SCNN1B: variants seen among roughly 807,000 people sequenced by gnomAD.
The protein encoded by SCNN1B is epithelial sodium channel subunit beta.
A neutral mutation model predicts 65.3 loss-of-function variants in SCNN1B; 46 were observed. The observed-to-expected ratio is 0.70, with a 90% CI of 0.56 to 0.90. The LOEUF (loss-of-function observed/expected upper bound fraction) is 0.90, where lower values mean the gene tolerates loss of function less well. Ranked by LOEUF, SCNN1B falls within the 40% of genes least tolerant of loss-of-function variation. The pLI, the probability that SCNN1B is intolerant of heterozygous loss-of-function variation, is 0.00. For missense variants in SCNN1B, 751 were observed against 830.5 expected (o/e 0.90, Z 1.18); for synonymous variants, 349 against 330.6 (o/e 1.06, Z -0.60).
intron 1 of SCNN1B, among the ~76,000 whole-genome samples, chr16:23,315,667 A>T (rs1362014009): frequency 6.6e-6 from 1 of 152,020 alleles, no homozygotes; most frequent in African/African-American, 2.4e-5. Flanking sequence ...AATTAGCCAC[A>T]TGTTGTGGCA....
At chr16:23,282,204 T>C (rs1960793823) in intron 1 of SCNN1B, among the ~76,000 whole-genome samples, 1 of 152,168 alleles carries the variant, frequency 6.6e-6, no homozygotes, top group Admixed American at 6.5e-5. Flanking sequence ...ACTGCACTTG[T>C]ACCCATAAAT....
intron 7 of SCNN1B, chr16:23,372,090 A>G: frequency 1.6e-6 from 1 of 626,584 alleles, no homozygotes; most frequent in Non-Finnish European, 2.9e-6. Context: ...TCATCCCCAC[A>G]TTGGCAGGTG....
At chr16:23,337,815 C>T (rs1296262696) in intron 1 of SCNN1B, among the ~76,000 whole-genome samples, 1 of 151,856 alleles carries the variant, frequency 6.6e-6, no homozygotes, top group African/African-American at 2.4e-5. Context: ...ACCTGTAATC[C>T]CAGCACTTTG....
intron 1 of SCNN1B, among the ~76,000 whole-genome samples, chr16:23,343,989 T>C (rs1962134164): frequency 6.6e-6 from 1 of 152,238 alleles, no homozygotes; most frequent in Non-Finnish European, 1.5e-5. Context: ...TTGATCTGGC[T>C]AATGACCCAA....
At position 23,306,410 on chromosome 16, in the gene SCNN1B, A is replaced by G. The variant is rs146244611; in HGVS notation, c.-9+3973A>G. The stretch of plus-strand genomic sequence containing the variant: ...CCTTAGTACAGTGCCTGACTCAAGT[A>G]AACACTGTCTAACCATTGCTGATGC... On this transcript the variant is annotated intron_variant, in intron 1 of 12. Coordinates refer to ENST00000343070, the MANE Select transcript of SCNN1B (RefSeq NM_000336.3). 3.9e-3 allele frequency among the ~76,000 whole-genome samples: 597 copies of G among 152,262 alleles called. 3 individuals carry two copies. Among genetic ancestry groups the G allele is most frequent in the Non-Finnish European group, 6.6e-3 (448 of 68,016 alleles).
intron 11 of SCNN1B, 135 bp downstream of exon 11, chr16:23,378,902 G>A (rs970173238): frequency 5.1e-6 from 4 of 786,968 alleles, no homozygotes; most frequent in Non-Finnish European, 6.4e-6. Flanking sequence ...TTGAGGAGGA[G>A]GCACTAGGAG....
At position 23,367,926 on chromosome 16, in the gene SCNN1B, G is replaced by C. The variant is rs768679142; in HGVS notation, c.847G>C (p.Ala283Pro). 2 of 1,614,178 alleles carry C rather than the reference G, an allele frequency of 1.2e-6. No individual in the cohort carries two copies. The highest frequency in any genetic ancestry group is 1.1e-5 in the South Asian group (1 of 91,080). Residue 283 changes from alanine (A) to proline (P), a missense_variant, in exon 5 of 13, where the codon GCA becomes CCA. Transcript: ENST00000343070. Reference sequence around the variant, plus strand: ...CTTCAACTGGGGCATGACAGAGAAGGCACTTCCTTCGGCCAACCCTGGAAC... The same window carrying C: ...CTTCAACTGGGGCATGACAGAGAAGCCACTTCCTTCGGCCAACCCTGGAAC... The part of the protein sequence containing the change: ...YIFNWGMTEK[A>P]LPSANPGTEF...
chr16:23,357,633 C>T (rs534876862), intron 4 of SCNN1B, among the ~76,000 whole-genome samples: 96 of 152,306 alleles, frequency 6.3e-4, no homozygotes, highest in African/African-American at 2.2e-3. Context: ...TTCTTGCACA[C>T]AATGTCAAAT....
intron 1 of SCNN1B, among the ~76,000 whole-genome samples, chr16:23,308,034 G>A (rs1961258691): frequency 6.6e-6 from 1 of 151,832 alleles, no homozygotes; most frequent in African/African-American, 2.4e-5. Context: ...AACAGAGAGA[G>A]ACCTTTTCTC....
intron 1 of SCNN1B, among the ~76,000 whole-genome samples, chr16:23,340,500 A>G (rs1887125506): frequency 6.6e-6 from 1 of 152,160 alleles, no homozygotes; most frequent in African/African-American, 2.4e-5. Flanking sequence ...AAAAATATGG[A>G]CAACTACTTG....
At chr16:23,334,754 T>A (rs950806511) in intron 1 of SCNN1B, among the ~76,000 whole-genome samples, 1 of 152,238 alleles carries the variant, frequency 6.6e-6, no homozygotes, top group African/African-American at 2.4e-5. Context: ...CGTGTGTGCA[T>A]GCACCAATGC....
intron 2 of SCNN1B, among the ~76,000 whole-genome samples, chr16:23,291,158 T>C (rs573468189): frequency 3.3e-5 from 5 of 151,482 alleles, no homozygotes; most frequent in African/African-American, 1.2e-4. Context: ...ACCTCCCAGG[T>C]TCAAGCAATT....
At chr16:23,371,914 G>T (rs778468492) in intron 7 of SCNN1B, 31 bp downstream of exon 7, 1 of 1,534,982 alleles carries the variant, frequency 6.5e-7, no homozygotes, top group East Asian at 2.2e-5. Context: ...TCATGCCCCG[G>T]GGCCCCTGTC....
At chr16:23,281,185 C>T (rs1225320381) in intron 1 of SCNN1B, among the ~76,000 whole-genome samples, 1 of 152,172 alleles carries the variant, frequency 6.6e-6, no homozygotes, top group Non-Finnish European at 1.5e-5. Context: ...GTAATCCCAA[C>T]ACTTTGGGAG....
chr16:23,309,549 A>G (rs1443154816), intron 1 of SCNN1B, among the ~76,000 whole-genome samples: 1 of 152,248 alleles, frequency 6.6e-6, no homozygotes, highest in African/African-American at 2.4e-5. Context: ...CCGAGCCCCA[A>G]AACAGAAGAA....
intron 1 of SCNN1B, among the ~76,000 whole-genome samples, chr16:23,348,000 A>G (rs1962223436): frequency 6.6e-6 from 1 of 152,244 alleles, no homozygotes; most frequent in African/African-American, 2.4e-5. Context: ...GCCAGAGCCT[A>G]TCTCTGCAGC....
chr16:23,339,109 T>A (rs1962000992), intron 1 of SCNN1B, among the ~76,000 whole-genome samples: 1 of 152,268 alleles, frequency 6.6e-6, no homozygotes, highest in Non-Finnish European at 1.5e-5. Context: ...TAGGGGTTCA[T>A]ATAATGGAAT....
intron 1 of SCNN1B, among the ~76,000 whole-genome samples, chr16:23,333,112 AGGGAGGGAGGGAGGGAGGGAGGG>A (rs1961852664): frequency 3.5e-5 from 3 of 85,570 alleles, no homozygotes; most frequent in East Asian, 6.8e-4. Flanking sequence ...GAAGGAAGGG[AGGGAGGGAGGGAGGGAGGGAGGG>A]AGGAAGGAAG....
chr16:23,321,667 G>A (rs564991242), intron 1 of SCNN1B, among the ~76,000 whole-genome samples: 14 of 152,286 alleles, frequency 9.2e-5, no homozygotes, highest in African/African-American at 3.4e-4. Context: ...ATGGCTTAAA[G>A]TGCCATGACA....
Sources: allele counts gnomAD v4.1 joint callset (sites outside exome capture counted in the v4.1 genomes callset), GRCh38; gene constraint gnomAD v4.1.1; transcripts MANE v1.5; gene names NCBI Gene and HGNC (gene_info 2026-07-23, HGNC 2026-07-21).